The following PHF13 variants were observed in gnomAD, a reference collection of about 807,000 sequenced individuals.
The protein encoded by PHF13 is PHD finger protein 13, also known as PHD zinc finger protein PHF5.
PHF13 carries 1 observed loss-of-function variant against 25.8 expected under a neutral mutation model. The ratio of observed to expected loss-of-function variants is 0.04; its 90% CI spans 0.01 to 0.18. The LOEUF (loss-of-function observed/expected upper bound fraction) is 0.18. Ranked by LOEUF, PHF13 falls within the 10% of genes least tolerant of loss-of-function variation. The probability of loss-of-function intolerance (pLI) is 1.00; values close to 1 mark genes in which losing one functional copy is unlikely to be tolerated. For missense variants in PHF13, 306 were observed against 403.2 expected (o/e 0.76, Z 2.06); for synonymous variants, 195 against 162.4 (o/e 1.20, Z -1.53).
intron 1 of PHF13, 116 bp downstream of exon 1, chr1:6,614,221 C>T (rs542353085): frequency 3.8e-6 from 3 of 796,160 alleles, no homozygotes; most frequent in Non-Finnish European, 6.0e-6. Flanking sequence ...CCCCGCTTTC[C>T]CCTCGTCGGC....
In PHF13 at chr1:6,613,825, C is replaced by T; in HGVS notation, c.-242C>T. 2.7e-6 allele frequency: 1 copy of T among 370,090 alleles called. No homozygotes were observed. Among genetic ancestry groups the T allele is most frequent in the African/African-American group, 2.2e-5 (1 of 44,626 alleles). 22.9% of individuals were successfully genotyped at this position (370,090 alleles called of 1,614,324 possible). ...CCGCCGCCGCCGCCCCCTGCAGCCACTCTCCCGCCTCTACCGCCGCGGGAG... is the reference window on the plus strand; with the variant it reads ...CCGCCGCCGCCGCCCCCTGCAGCCATTCTCCCGCCTCTACCGCCGCGGGAG... On this transcript the variant is annotated 5_prime_UTR_variant, in exon 1 of 4. Transcript: ENST00000377648.
chr1:6,617,211 T>G (rs531594159), intron 2 of PHF13, among the ~76,000 whole-genome samples: 1 of 151,910 alleles, frequency 6.6e-6, no homozygotes, highest in South Asian at 2.1e-4. Flanking sequence ...CTCAACCTCC[T>G]CAGTAGTTGG....
intron 1 of PHF13, chr1:6,614,423 C>A: frequency 5.7e-6 from 2 of 353,390 alleles, no homozygotes; most frequent in Admixed American, 5.3e-5. Flanking sequence ...GTCGGCGCCC[C>A]CAGCCCCTCC....
intron 2 of PHF13, among the ~76,000 whole-genome samples, chr1:6,619,353 T>G (rs547159908): frequency 1.4e-5 from 2 of 144,082 alleles, no homozygotes; most frequent in Non-Finnish European, 3.1e-5. Context: ...TGGCACTGGG[T>G]TTTTTTTTTT....
At chr1:6,618,221 TTCTC>T (rs779450372) in intron 2 of PHF13, among the ~76,000 whole-genome samples, 2 of 152,068 alleles carry the variant, frequency 1.3e-5, no homozygotes, top group Non-Finnish European at 2.9e-5. Context: ...TGCAGCCTCT[TTCTC>T]CTGTGCTGAA....
rs773086823 is a variant in PHF13, at chr1:6,620,045, T to C, written c.384T>C (p.Asp128=). The C allele has an allele frequency of 6.2e-7, 1 of 1,613,612 alleles. No homozygotes were observed. The highest frequency in any genetic ancestry group is 1.1e-5 in the South Asian group (1 of 91,078). ...AGAAGAGGAAGCGCAGGGACAGTGA[T>C]GCGCCTGGGAAAGAGGGGTACAGGG... ...KKKKRKRRDS[D]APGKEGYRGG... Residue 128 remains aspartate (D), a synonymous_variant, in exon 3 of 4, where the codon GAT becomes GAC. Coordinates refer to ENST00000377648, the MANE Select transcript of PHF13 (RefSeq NM_153812.3).
At chr1:6,620,473 G>A in intron 3 of PHF13, 136 bp downstream of exon 3, 1 of 996,602 alleles carries the variant, frequency 1.0e-6, no homozygotes, top group Non-Finnish European at 1.5e-6. Flanking sequence ...GTCCAAGGAG[G>A]AGAAAAGCTG....
intron 2 of PHF13, 141 bp from the exon 3 acceptor site, chr1:6,619,662 A>C: frequency 1.2e-6 from 1 of 869,162 alleles, no homozygotes; most frequent in Non-Finnish European, 1.8e-6. Context: ...CTGTTGCTTC[A>C]AGTGTGATGC....
rs757086919 is a variant in PHF13, at chr1:6,620,260, T to C, written c.599T>C (p.Ile200Thr). 2.9e-5 allele frequency: 46 copies of C among 1,613,834 alleles called. No homozygotes were observed. The highest frequency in any genetic ancestry group is 3.8e-5 in the Non-Finnish European group (45 of 1,180,024). The change falls in exon 3 of 4, where the codon ATC becomes ACC. Residue 200 changes from isoleucine to threonine, a missense_variant. Around this residue, in one of 5 missense-constraint regions of PHF13, gnomAD observed 186 missense variants for 164.0 expected, o/e 1.13. Coordinates refer to ENST00000377648, the MANE Select transcript of PHF13 (RefSeq NM_153812.3). ...ATAAAAACTGAAGGCAAACGGACTATCGTCCGGCAGGGAAAGCAGGTGGTG... is the reference window on the plus strand; with the variant it reads ...ATAAAAACTGAAGGCAAACGGACTACCGTCCGGCAGGGAAAGCAGGTGGTG... ...KEIKTEGKRT[I>T]VRQGKQVVFR...
In PHF13 at chr1:6,618,710, C is replaced by T. The variant is rs544610685; in HGVS notation, c.142-1093C>T. ...TCAGGCTGGAGTGTGGTGGTGCGATCTCAGCTCACTGCAACTTCTGCCTCC... is the reference window on the plus strand; with the variant it reads ...TCAGGCTGGAGTGTGGTGGTGCGATTTCAGCTCACTGCAACTTCTGCCTCC... On this transcript the variant is annotated intron_variant, in intron 2 of 3. Coordinates refer to ENST00000377648, the MANE Select transcript of PHF13 (RefSeq NM_153812.3). Among the ~76,000 whole-genome samples, 76 of 152,244 alleles carry T rather than the reference C, an allele frequency of 5.0e-4. No individual in the cohort carries two copies. The South Asian group carries it at 7.9e-3, about 16-fold the overall frequency.
chr1:6,614,759 C>A (rs1319171403), intron 1 of PHF13, among the ~76,000 whole-genome samples: 1 of 151,340 alleles, frequency 6.6e-6, no homozygotes, highest in Non-Finnish European at 1.5e-5. Context: ...CGCCCCCCGC[C>A]CGCGGGCTTT....
At chr1:6,618,372 A>T (rs1299776551) in intron 2 of PHF13, among the ~76,000 whole-genome samples, 1 of 152,072 alleles carries the variant, frequency 6.6e-6, no homozygotes, top group East Asian at 1.9e-4. Flanking sequence ...GCCTCAAGTG[A>T]CCCACCTGCC....
intron 2 of PHF13, among the ~76,000 whole-genome samples, chr1:6,619,564 C>T (rs756891642): frequency 3.0e-4 from 45 of 152,118 alleles, no homozygotes; most frequent in Non-Finnish European, 4.7e-4. Flanking sequence ...GTCTTGAACT[C>T]CTGGTCTCAG....
Position 6,616,837 on chromosome 1 carries a change from C to T in PHF13, c.120C>T (p.Gly40=), listed in dbSNP as rs763841610. 14 of 1,613,928 alleles carry T rather than the reference C, an allele frequency of 8.7e-6. No individual in the cohort carries two copies. The Admixed American group carries it at 1.2e-4, about 13-fold the overall frequency. The change falls in exon 2 of 4, where the codon GGC becomes GGT. Residue 40 remains glycine, a synonymous_variant. Coordinates refer to ENST00000377648, the MANE Select transcript of PHF13 (RefSeq NM_153812.3). ...KFCTFVLAYA[G]YIPYPKEELP... ...GCACCTTTGTCTTGGCCTATGCTGG[C>T]TACATCCCTTATCCGAAGGAGGTAA...
Position 6,620,147 on chromosome 1 carries a change from G to C in PHF13, c.486G>C (p.Gln162His). ...PTSPTLQDIPQAPSDPCSGWD... is the reference protein window; with the variant it reads ...PTSPTLQDIPHAPSDPCSGWD... ...GTCCCACCTTGCAGGATATCCCCCA[G>C]GCTCCCAGCGACCCCTGCTCGGGCT... Residue 162 changes from glutamine to histidine, a missense_variant, in exon 3 of 4, where the codon CAG becomes CAC. By Grantham distance (24) the Gln-to-His change is conservative. Coordinates refer to ENST00000377648, the MANE Select transcript of PHF13 (RefSeq NM_153812.3). The C allele has an allele frequency of 6.2e-7, 1 of 1,613,828 alleles. No individual in the cohort carries two copies. The highest frequency in any genetic ancestry group is 1.1e-5 in the South Asian group (1 of 91,082).
chr1:6,615,210 G>C (rs1287216530), intron 1 of PHF13, among the ~76,000 whole-genome samples: 1 of 151,956 alleles, frequency 6.6e-6, no homozygotes, highest in African/African-American at 2.4e-5. Context: ...CGCGCCCCCG[G>C]CCCGAGGCCG....
chr1:6,619,242 C>T (rs576012065), intron 2 of PHF13, among the ~76,000 whole-genome samples: 1 of 152,366 alleles, frequency 6.6e-6, no homozygotes, highest in African/African-American at 2.4e-5. Context: ...TTCCCACAGA[C>T]ACCTGTTGCA....
Position 6,616,742 on chromosome 1 carries a change from C to A in PHF13, c.40-15C>A. On this transcript the variant is annotated splice_polypyrimidine_tract_variant and intron_variant, in intron 1 of 3. Coordinates refer to ENST00000377648, the MANE Select transcript of PHF13 (RefSeq NM_153812.3). ...CTCTCCTTCAAACACATTCCCTTTT[C>A]TCTCCCCTTAATAGGAATACTCCCC... is the stretch of plus-strand genomic sequence containing the variant. 2 of 1,606,002 alleles carry A rather than the reference C, an allele frequency of 1.2e-6. No homozygotes were observed. Among genetic ancestry groups the A allele is most frequent in the South Asian group, 1.1e-5 (1 of 90,926 alleles).
At position 6,614,386 on chromosome 1, in the gene PHF13, C is replaced by T. The variant is rs1267529939; in HGVS notation, c.39+281C>T. The T allele has an allele frequency of 2.5e-5, 11 of 441,090 alleles. No homozygotes were observed. The Admixed American group carries it at 4.3e-4, about 17-fold the overall frequency. 27.3% of individuals were successfully genotyped at this position (441,090 alleles called of 1,614,324 possible). On this transcript the variant is annotated intron_variant, in intron 1 of 3. Coordinates refer to ENST00000377648, the MANE Select transcript of PHF13 (RefSeq NM_153812.3). ...TATTTCTCTCCCCCGGGCCGCCCCT[C>T]TCCGGCCTCGCGTCGACCTGGGACC...
Sources: allele counts gnomAD v4.1 joint callset (sites outside exome capture counted in the v4.1 genomes callset), GRCh38; gene constraint gnomAD v4.1.1; regional missense constraint gnomAD v4.1.1; transcripts MANE v1.5; gene names NCBI Gene and HGNC (gene_info 2026-07-23, HGNC 2026-07-21).